The following HDAC4 variants were observed in gnomAD, a reference collection of about 807,000 sequenced individuals.
HDAC4 encodes the protein histone deacetylase A.
HDAC4 carries 16 observed loss-of-function variants against 135.1 expected under a neutral mutation model. That is an observed-to-expected ratio of 0.12 (90% confidence interval 0.08 to 0.18). The LOEUF is 0.18. Among genes scored for constraint, HDAC4 ranks in the 10% least tolerant of loss-of-function variants. The pLI, the probability that HDAC4 is intolerant of heterozygous loss-of-function variation, is 1.00. For missense variants in HDAC4, 1,143 were observed against 1,511.8 expected (o/e 0.76, Z 4.05); for synonymous variants, 685 against 653.4 (o/e 1.05, Z -0.74).
chr2:239,333,315 G>C (rs1691711708), intron 2 of HDAC4, among the ~76,000 whole-genome samples: 1 of 152,084 alleles, frequency 6.6e-6, no homozygotes, highest in South Asian at 2.1e-4. Flanking sequence ...GTGCAATAGA[G>C]ACCATATGTG....
chr2:239,274,193 G>C (rs2050218164), intron 2 of HDAC4, among the ~76,000 whole-genome samples: 1 of 152,104 alleles, frequency 6.6e-6, no homozygotes, highest in African/African-American at 2.4e-5. Flanking sequence ...TTTGGACGGG[G>C]GTATCACTCT....
rs142675984 is a variant in HDAC4 at position 239,349,761 on chromosome 2, C to T, written c.22+2917G>A. 1.2e-4 allele frequency among the ~76,000 whole-genome samples: 18 copies of T among 152,318 alleles called. No individual in the cohort carries two copies. Among genetic ancestry groups the T allele is most frequent in the Admixed American group, 3.9e-4 (6 of 15,300 alleles). On this transcript the variant is annotated intron_variant, in intron 2 of 26. Transcript: ENST00000543185. The surrounding 1 kb of genome is among the most constrained non-coding windows in gnomAD (Gnocchi z 5.7). ...CAGACACGGCAGGGAAAGATGACAG[C>T]GGACAGGGCAGAGGAGGCAGCCAGC...
intron 24 of HDAC4, among the ~76,000 whole-genome samples, chr2:239,065,080 C>A (rs2033295582): frequency 6.6e-6 from 1 of 152,234 alleles, no homozygotes; most frequent in South Asian, 2.1e-4. Context: ...AGTTGCACGG[C>A]ACCCGGACCG....
chr2:239,087,125 T>C (rs1300981781), intron 19 of HDAC4, among the ~76,000 whole-genome samples: 1 of 152,188 alleles, frequency 6.6e-6, no homozygotes, highest in Non-Finnish European at 1.5e-5. Flanking sequence ...GATAGCTGCC[T>C]GCATGGACGT....
At chr2:239,273,372 G>T (rs73100746) in intron 2 of HDAC4, among the ~76,000 whole-genome samples, 5,421 of 152,236 alleles carry the variant, frequency 0.036, 328 homozygotes, top group African/African-American at 0.12. Context: ...ACTCACCAGT[G>T]ACCTTCAGAT....
chr2:239,322,650 C>G (rs890743163), intron 2 of HDAC4, among the ~76,000 whole-genome samples: 1 of 152,196 alleles, frequency 6.6e-6, no homozygotes, highest in Non-Finnish European at 1.5e-5. Context: ...CTTACAGCAG[C>G]CTGGCATGTA....
chr2:239,119,628 C>T (rs2039455143), intron 12 of HDAC4, among the ~76,000 whole-genome samples: 1 of 151,768 alleles, frequency 6.6e-6, no homozygotes. Context: ...GCTCAGAGCT[C>T]AGGGCTGAGG....
chr2:239,388,734 C>A (rs907253391), intron 1 of HDAC4, among the ~76,000 whole-genome samples: 4 of 152,228 alleles, frequency 2.6e-5, no homozygotes, highest in African/African-American at 7.2e-5. Flanking sequence ...CCCTTCCTGG[C>A]CCCCACTCCC....
chr2:239,281,687 ACTACT>A (rs931032586), intron 2 of HDAC4, among the ~76,000 whole-genome samples: 19 of 150,434 alleles, frequency 1.3e-4, no homozygotes, highest in East Asian at 3.9e-4. Context: ...CAATGTACAC[ACTACT>A]CTACACGCAG....
chr2:239,258,530 A>G (rs1482590583), intron 2 of HDAC4, among the ~76,000 whole-genome samples: 1 of 152,242 alleles, frequency 6.6e-6, no homozygotes, highest in Non-Finnish European at 1.5e-5. Flanking sequence ...GCTTAGAAGT[A>G]CTAGAAGATG....
chr2:239,170,034 G>GA (rs1346658382), intron 5 of HDAC4, among the ~76,000 whole-genome samples: 1 of 152,090 alleles, frequency 6.6e-6, no homozygotes. Context: ...CAGTTAAAGT[G>GA]AAAAAACATT....
chr2:239,199,533 C>A (rs1173434368), intron 3 of HDAC4, among the ~76,000 whole-genome samples: 1 of 146,674 alleles, frequency 6.8e-6, no homozygotes, highest in Non-Finnish European at 1.5e-5. Context: ...TCTGAAAATC[C>A]TGAGTGGGTC....
intron 22 of HDAC4, among the ~76,000 whole-genome samples, chr2:239,076,831 C>T (rs2034814920): frequency 6.6e-6 from 1 of 152,192 alleles, no homozygotes; most frequent in South Asian, 2.1e-4. Flanking sequence ...GCAAAAGCGT[C>T]CCCACTGAAC....
chr2:239,276,329 G>C (rs756306489), intron 2 of HDAC4, among the ~76,000 whole-genome samples: 6 of 152,312 alleles, frequency 3.9e-5, no homozygotes, highest in Admixed American at 3.9e-4. Context: ...CAACAGAGAG[G>C]CCTGTCTAAC....
At chr2:239,298,499 A>C in intron 2 of HDAC4, 1 of 1,109,866 alleles carries the variant, frequency 9.0e-7, no homozygotes, top group Non-Finnish European at 1.1e-6. Context: ...CACTGGGTGA[A>C]CGCTGTGCAC....
chr2:239,310,759 C>G (rs868252952), intron 2 of HDAC4, among the ~76,000 whole-genome samples: 1 of 152,200 alleles, frequency 6.6e-6, no homozygotes, highest in East Asian at 1.9e-4. Context: ...GAGCACAGGG[C>G]AGGGTCGCTG....
intron 2 of HDAC4, among the ~76,000 whole-genome samples, chr2:239,272,302 G>T (rs914307117): frequency 1.3e-5 from 2 of 151,978 alleles, no homozygotes; most frequent in Admixed American, 6.5e-5. Flanking sequence ...GGCAGCAAAA[G>T]AAAAAAATAG....
intron 2 of HDAC4, among the ~76,000 whole-genome samples, chr2:239,282,525 C>CAA (rs1227897996): frequency 6.9e-6 from 1 of 144,146 alleles, no homozygotes; most frequent in African/African-American, 2.6e-5. Context: ...ACACCACTCT[C>CAA]AATGTACACA....
At chr2:239,140,261 A>G (rs1454132216) in intron 8 of HDAC4, among the ~76,000 whole-genome samples, 1 of 152,210 alleles carries the variant, frequency 6.6e-6, no homozygotes, top group African/African-American at 2.4e-5. Flanking sequence ...CATAGCAGCA[A>G]GCATCCAGGG....
Sources: allele counts gnomAD v4.1 joint callset (sites outside exome capture counted in the v4.1 genomes callset), GRCh38; gene constraint gnomAD v4.1.1; non-coding constraint Gnocchi (gnomAD v3.1); transcripts MANE v1.5; gene names NCBI Gene and HGNC (gene_info 2026-07-23, HGNC 2026-07-21).